CADM1: variants seen among roughly 807,000 people sequenced by gnomAD.
The protein encoded by CADM1 is cell adhesion molecule 1, also known as TSLC-1.
CADM1 carries 15 observed loss-of-function variants against 53.1 expected under a neutral mutation model. That is an observed-to-expected ratio of 0.28 (90% CI 0.19 to 0.44). The LOEUF is 0.44. CADM1 is among the 20% of genes least tolerant of loss of function. The probability of loss-of-function intolerance (pLI) is 1.00; values close to 1 mark genes in which losing one functional copy is unlikely to be tolerated. For synonymous variants in CADM1, 281 were observed against 243.0 expected, an observed-to-expected ratio of 1.16 and a Z score of -1.45; for missense variants, 434 against 611.3, an observed-to-expected ratio of 0.71 and a Z score of 3.06.
chr11:115,453,203 T>C (rs1948611556), intron 1 of CADM1, among the ~76,000 whole-genome samples: 1 of 151,800 alleles, frequency 6.6e-6, no homozygotes, highest in Admixed American at 6.6e-5. Flanking sequence ...ATGATAAAAC[T>C]CCATCTCTAC....
intron 11 of CADM1, 144 bp from the exon 12 acceptor site, chr11:115,176,736 C>T (rs945611057): frequency 1.7e-5 from 13 of 746,422 alleles, no homozygotes; most frequent in South Asian, 4.2e-5. Context: ...AAGAAGAGAG[C>T]GGGGTGGGTG....
intron 1 of CADM1, among the ~76,000 whole-genome samples, chr11:115,348,729 G>A (rs954855193): frequency 1.3e-5 from 2 of 152,120 alleles, no homozygotes; most frequent in African/African-American, 2.4e-5. Flanking sequence ...CTTTAAGAGT[G>A]GATAAGTGCC....
chr11:115,191,650 T>G (rs12099109), intron 9 of CADM1, among the ~76,000 whole-genome samples: 3,305 of 152,252 alleles, frequency 0.022, 112 homozygotes, highest in African/African-American at 0.075. Flanking sequence ...CTAGCTCTGA[T>G]TTGAATTAAA....
intron 1 of CADM1, among the ~76,000 whole-genome samples, chr11:115,271,313 C>T (rs1383489359): frequency 6.6e-6 from 1 of 152,076 alleles, no homozygotes; most frequent in Non-Finnish European, 1.5e-5. Flanking sequence ...GACAGAGTGT[C>T]ACTCTGTCGC....
chr11:115,428,001 A>G (rs1947935673), intron 1 of CADM1, among the ~76,000 whole-genome samples: 2 of 116,452 alleles, frequency 1.7e-5, no homozygotes. Context: ...GCAAGACTCC[A>G]TCTCAAAAAA....
At chr11:115,297,299 T>G (rs1421503815) in intron 1 of CADM1, among the ~76,000 whole-genome samples, 1 of 152,178 alleles carries the variant, frequency 6.6e-6, no homozygotes, top group East Asian at 1.9e-4. Flanking sequence ...CAGAGAGACC[T>G]GGATGATGCA....
At position 115,170,937 on chromosome 11, in the gene CADM1, G is replaced by A. The variant is rs185413366; in HGVS notation, c.*5537C>T. 8 of 152,258 alleles carry A rather than the reference G, an allele frequency of 5.3e-5. No homozygotes were observed. Among genetic ancestry groups the A allele is most frequent in the Admixed American group, 5.2e-4 (8 of 15,286 alleles). The allele number at this position is 152,258 out of a possible 1,614,324, so 9.4% of individuals were successfully genotyped here. On this transcript the variant is annotated 3_prime_UTR_variant, in exon 12 of 12. Coordinates refer to ENST00000331581, the MANE Select transcript of CADM1 (RefSeq NM_001301043.2). ...CATCAAGGTTTGAAATACAGCATCGGTGGCCCATTCAGATTAAGTGTAACG... is the reference window on the plus strand; with the variant it reads ...CATCAAGGTTTGAAATACAGCATCGATGGCCCATTCAGATTAAGTGTAACG...
chr11:115,456,244 A>G (rs971125589), intron 1 of CADM1, among the ~76,000 whole-genome samples: 36 of 152,200 alleles, frequency 2.4e-4, no homozygotes, highest in Admixed American at 1.7e-3. Flanking sequence ...CATACTTACC[A>G]GATATGAATA....
intron 1 of CADM1, among the ~76,000 whole-genome samples, chr11:115,329,662 A>G (rs1945080751): frequency 6.6e-6 from 1 of 152,142 alleles, no homozygotes; most frequent in Non-Finnish European, 1.5e-5. Context: ...GTCCACAGAC[A>G]GCTTAAGTGT....
intron 1 of CADM1, among the ~76,000 whole-genome samples, chr11:115,356,123 G>A (rs543998469): frequency 1.3e-5 from 2 of 152,054 alleles, no homozygotes; most frequent in South Asian, 2.1e-4. Flanking sequence ...AAGCTACCGC[G>A]CCCGGCTGAG....
intron 8 of CADM1, among the ~76,000 whole-genome samples, chr11:115,206,758 C>CTTTTTGTTTTTTTTTT (rs1940707356): frequency 7.8e-5 from 3 of 38,232 alleles, no homozygotes; most frequent in African/African-American, 2.9e-4. Flanking sequence ...CTGTGGACTT[C>CTTTTTGTTTTTTTTTT]TTTTTTTTTT....
At chr11:115,455,771 G>A (rs1948670942) in intron 1 of CADM1, among the ~76,000 whole-genome samples, 1 of 152,166 alleles carries the variant, frequency 6.6e-6, no homozygotes, top group Admixed American at 6.6e-5. Context: ...GGCCAACATG[G>A]TGAAGTACTT....
rs140138456 is a variant in CADM1 at position 115,336,427 on chromosome 11, A to G, written c.125-96007T>C. ...CTTCAGAGGTTATAAAAGACTTTCA[A>G]TTTATGTCAGCATTTAAAAATAAAA... On this transcript the variant is annotated intron_variant, in intron 1 of 11. Coordinates refer to ENST00000331581, the MANE Select transcript of CADM1 (RefSeq NM_001301043.2). Among the ~76,000 whole-genome samples, 344 of 152,284 alleles carry G rather than the reference A, an allele frequency of 2.3e-3. 3 individuals are homozygous for G. The highest frequency in any genetic ancestry group is 7.7e-3 in the African/African-American group (322 of 41,564).
intron 1 of CADM1, among the ~76,000 whole-genome samples, chr11:115,470,327 C>T (rs571445655): frequency 6.6e-6 from 1 of 152,268 alleles, no homozygotes; most frequent in East Asian, 1.9e-4. Flanking sequence ...AAACTGTCTT[C>T]AATAATACTG....
chr11:115,250,879 G>T (rs1265532354), intron 1 of CADM1, among the ~76,000 whole-genome samples: 1 of 152,180 alleles, frequency 6.6e-6, no homozygotes, highest in Non-Finnish European at 1.5e-5. Context: ...TTTAACTCTA[G>T]ATTGGGTGCT....
At position 115,174,755 on chromosome 11, in the gene CADM1, A is replaced by T. The variant is rs528360416; in HGVS notation, c.*1719T>A. 19 of 882,312 alleles carry T rather than the reference A, an allele frequency of 2.2e-5. No individual in the cohort carries two copies. In the Admixed American group the frequency reaches 7.4e-4, roughly 35 times the overall value. The allele number at this position is 882,312 out of a possible 1,614,324, so 54.7% of individuals were successfully genotyped here. A position where few individuals can be genotyped will look rare whatever the true frequency, so the allele number is the denominator to read the frequency against. On this transcript the variant is annotated 3_prime_UTR_variant, in exon 12 of 12. Coordinates refer to ENST00000331581, the MANE Select transcript of CADM1 (RefSeq NM_001301043.2). ...TGTAATAGAATATATATTTATATAT[A>T]TATATAGATCTATCTTTTTTGATGC...
intron 1 of CADM1, chr11:115,397,528 A>C (rs933856003): frequency 1.8e-4 from 27 of 152,342 alleles, no homozygotes; most frequent in African/African-American, 6.3e-4. Context: ...GATCACTATC[A>C]GTAAAAGCGC....
intron 1 of CADM1, among the ~76,000 whole-genome samples, chr11:115,423,592 T>G (rs74956508): frequency 1.2e-4 from 18 of 152,302 alleles, no homozygotes; most frequent in African/African-American, 4.3e-4. Flanking sequence ...AGAATATGCT[T>G]TCTTTATCCT....
At chr11:115,355,707 AACACACACACACAC>A (rs71066418) in intron 1 of CADM1, among the ~76,000 whole-genome samples, 65,168 of 150,904 alleles carry the variant, frequency 0.43, 16,036 homozygotes, top group Non-Finnish European at 0.58. Flanking sequence ...TTAAATTACT[AACACACACACACAC>A]ACACACACAC....
Sources: gnomAD v4.1 joint callset for allele counts (sites outside exome capture counted in the v4.1 genomes callset) on GRCh38, gnomAD v4.1.1 for gene constraint, MANE v1.5 for transcripts, NCBI Gene and HGNC (gene_info 2026-07-23, HGNC 2026-07-21) for gene names.